TRPV3: variants seen among roughly 807,000 people sequenced by gnomAD.
TRPV3 encodes transient receptor potential cation channel subfamily V member 3.
TRPV3 carries 88 observed loss-of-function variants against 87.1 expected under a neutral mutation model. That is an observed-to-expected ratio of 1.01 (90% CI 0.85 to 1.21). The LOEUF (loss-of-function observed/expected upper bound fraction) is 1.21, where lower values mean the gene tolerates loss of function less well. Among genes scored for constraint, TRPV3 ranks in the 50% most tolerant of loss-of-function variants. The pLI is 0.00. For synonymous variants in TRPV3, 438 were observed against 423.3 expected, an observed-to-expected ratio of 1.03 and a Z score of -0.43; for missense variants, 1,054 against 1,030.1, an observed-to-expected ratio of 1.02 and a Z score of -0.32.
chr17:3,527,041 C>T (rs1258045022), intron 11 of TRPV3, 114 bp from the exon 12 acceptor site: 1 of 809,118 alleles, frequency 1.2e-6, no homozygotes, highest in African/African-American at 1.7e-5. Context: ...TGCACAAAGG[C>T]CCAGCTAGAG....
intron 6 of TRPV3, among the ~76,000 whole-genome samples, chr17:3,542,306 A>G (rs1235324136): frequency 1.3e-5 from 2 of 152,258 alleles, no homozygotes; most frequent in Non-Finnish European, 2.9e-5. Flanking sequence ...TGCCCATGCC[A>G]AAAACAATGC....
intron 2 of TRPV3, among the ~76,000 whole-genome samples, chr17:3,545,545 T>G (rs2074515783): frequency 6.6e-6 from 1 of 152,072 alleles, no homozygotes; most frequent in African/African-American, 2.4e-5. Context: ...GAGGTTTATT[T>G]TGCCAAGGTT....
In TRPV3 at chr17:3,511,645, A is replaced by G. The variant is rs4790504; in HGVS notation, c.*2272T>C. 0.9 allele frequency: 137,066 copies of G among 152,232 alleles called. 62,611 individuals carry two copies. The highest frequency in any genetic ancestry group is 0.98 in the Non-Finnish European group (66,738 of 68,042). 9.4% of individuals were successfully genotyped at this position (152,232 alleles called of 1,614,324 possible). On this transcript the variant is annotated 3_prime_UTR_variant, in exon 18 of 18. Coordinates refer to ENST00000576742, the MANE Select transcript of TRPV3 (RefSeq NM_145068.4). ...GAAAATGGTCTTGCCAACAAATTCC[A>G]TCCAGACCCACAGACAGCAGATCAC...
chr17:3,541,405 C>T (rs1433482596), intron 6 of TRPV3, among the ~76,000 whole-genome samples: 1 of 152,032 alleles, frequency 6.6e-6, no homozygotes, highest in African/African-American at 2.4e-5. Flanking sequence ...ATCTAGTGCC[C>T]CCAGCATATC....
At chr17:3,520,913 T>C (rs1359891423) in intron 14 of TRPV3, 60 bp downstream of exon 14, 4 of 1,227,840 alleles carry the variant, frequency 3.3e-6, no homozygotes, top group Non-Finnish European at 3.5e-6. Flanking sequence ...CTTTGCCATT[T>C]TGACATCTGT....
Position 3,543,499 on chromosome 17 carries a change from C to T in TRPV3, c.441G>A (p.Arg147=). The T allele has an allele frequency of 1.2e-6, 2 of 1,613,752 alleles. No homozygotes were observed. The highest frequency in any genetic ancestry group is 1.3e-5 in the African/African-American group (1 of 75,054). ...CAGGCACATCCTCATCATGGCGCCG[C>T]CTGCAAAGCTCCTGCAGCTCCACCA... ...ELLVELQELC[R]RRHDEDVPDF... is the part of the protein sequence containing the mutation. Residue 147 remains arginine (R), a synonymous_variant, in exon 5 of 18, where the codon AGG becomes AGA. Transcript: ENST00000576742.
intron 7 of TRPV3, among the ~76,000 whole-genome samples, chr17:3,533,782 T>A (rs1008866907): frequency 7.2e-5 from 11 of 152,124 alleles, no homozygotes; most frequent in Non-Finnish European, 1.2e-4. Flanking sequence ...CAGATGTGAG[T>A]CACTGCACTC....
At chr17:3,514,566 C>T (rs1244725948) in intron 17 of TRPV3, 27 bp downstream of exon 17, 1 of 1,555,406 alleles carries the variant, frequency 6.4e-7, no homozygotes, top group East Asian at 2.2e-5. Context: ...CAGGAGCGGA[C>T]ACCATGTCAC....
rs892113951 is a variant in TRPV3 at position 3,556,451 on chromosome 17, G to A, written c.-3+1225C>T. On this transcript the variant is annotated intron_variant, in intron 1 of 17. Coordinates refer to ENST00000576742, the MANE Select transcript of TRPV3 (RefSeq NM_145068.4). The surrounding 1 kb of genome is among the most constrained non-coding windows in gnomAD (Gnocchi z 4.2). ...ACAGGTGGTGACTGTGTGGTCAGGG[G>A]GTGCCACTCTCAGCTTGAATCATCC... Among the ~76,000 whole-genome samples, 1 of 152,122 alleles carries A rather than the reference G, an allele frequency of 6.6e-6. No individual in the cohort carries two copies. The highest frequency in any genetic ancestry group is 2.4e-5 in the African/African-American group (1 of 41,504).
At position 3,543,460 on chromosome 17, in the gene TRPV3, G is replaced by T. The variant is rs765489894; in HGVS notation, c.466+14C>A. The T allele has an allele frequency of 2.5e-6, 4 of 1,611,696 alleles. No individual in the cohort carries two copies. The highest frequency in any genetic ancestry group is 1.1e-5 in the South Asian group (1 of 91,072). ...CCCCCAGCCCTGCACCCTCTGCCAGGCTCAGACACTCACCAGGCACATCCT... is the reference window on the plus strand; with the variant it reads ...CCCCCAGCCCTGCACCCTCTGCCAGTCTCAGACACTCACCAGGCACATCCT... On this transcript the variant is annotated intron_variant, in intron 5 of 17. Transcript: ENST00000576742.
chr17:3,536,083 G>A (rs1161656599), intron 6 of TRPV3, among the ~76,000 whole-genome samples: 2 of 152,200 alleles, frequency 1.3e-5, no homozygotes, highest in African/African-American at 4.8e-5. Flanking sequence ...GAGAGCGTCA[G>A]GGGGCTTCCC....
chr17:3,522,583 G>A (rs926715063), intron 13 of TRPV3, among the ~76,000 whole-genome samples: 8 of 150,250 alleles, frequency 5.3e-5, no homozygotes, highest in Admixed American at 5.3e-4. Flanking sequence ...ACTTTGGGAG[G>A]CCGAGGCGGA....
intron 14 of TRPV3, among the ~76,000 whole-genome samples, chr17:3,519,578 T>A (rs369297007): frequency 0.09 from 6,704 of 74,600 alleles, 360 homozygotes; most frequent in African/African-American, 0.14. Flanking sequence ...GGATGGATGA[T>A]TAAATGGATG....
chr17:3,515,111 G>T (rs2074165974), intron 16 of TRPV3, among the ~76,000 whole-genome samples: 1 of 152,216 alleles, frequency 6.6e-6, no homozygotes, highest in South Asian at 2.1e-4. Context: ...CCCAACAAGA[G>T]TGGGTGGCGT....
Position 3,557,220 on chromosome 17 carries a change from G to T in TRPV3, c.-3+456C>A, listed in dbSNP as rs552573186. 8.5e-5 allele frequency among the ~76,000 whole-genome samples: 13 copies of T among 152,228 alleles called. 1 individual carries two copies. The South Asian group carries it at 2.7e-3, about 32-fold the overall frequency. On this transcript the variant is annotated intron_variant, in intron 1 of 17. Coordinates refer to ENST00000576742, the MANE Select transcript of TRPV3 (RefSeq NM_145068.4). This position sits in a 1 kb window ranked among gnomAD's most constrained non-coding sequence, Gnocchi z 4.5. ...TGGCCTTTCCCGGGCGACAGACCAG[G>T]CCGCGGAGCCACAGCTGCTGACTCA...
intron 11 of TRPV3, 115 bp downstream of exon 11, chr17:3,527,910 G>C (rs368322175): frequency 1.2e-6 from 1 of 801,778 alleles, no homozygotes. Flanking sequence ...GGTAAGGCTT[G>C]GGAAGGAAAC....
intron 6 of TRPV3, among the ~76,000 whole-genome samples, chr17:3,541,682 T>C (rs1191806955): frequency 6.6e-6 from 1 of 152,196 alleles, no homozygotes; most frequent in Non-Finnish European, 1.5e-5. Flanking sequence ...CGACTTTTGG[T>C]GGCCCCTGCC....
rs2074512830 is a variant in TRPV3, at chr17:3,545,229, G to A, written c.162C>T (p.Pro54=). The A allele has an allele frequency of 1.2e-6, 2 of 1,613,894 alleles. No homozygotes were observed. Among genetic ancestry groups the A allele is most frequent in the Admixed American group, 1.7e-5 (1 of 59,986 alleles). ...FLEIEGFEPN[P]TVAKTSPPVF... is the part of the protein sequence containing the mutation. ...CAGGAGGAGAGGTCTTGGCAACTGT[G>A]GGGTTGGGTTCAAACCCTTCTATCT... Residue 54 remains proline, a synonymous_variant, in exon 3 of 18, where the codon CCC becomes CCT. Transcript: ENST00000576742.
chr17:3,522,600 A>G lies in TRPV3; in HGVS notation c.1744-1561T>C, dbSNP rs568457372. Among the ~76,000 whole-genome samples, 10 of 145,480 alleles carry G rather than the reference A, an allele frequency of 6.9e-5. No individual in the cohort carries two copies. In the South Asian group the frequency reaches 2.3e-3, roughly 33 times the overall value. ...TTTGGGAGGCCGAGGCGGACGGATC[A>G]CCTGAGGTCAAGAGTTGGAGACCAG... is the stretch of plus-strand genomic sequence containing the variant. On this transcript the variant is annotated intron_variant, in intron 13 of 17. Coordinates refer to ENST00000576742, the MANE Select transcript of TRPV3 (RefSeq NM_145068.4).
Sources: allele counts gnomAD v4.1 joint callset (sites outside exome capture counted in the v4.1 genomes callset), GRCh38; gene constraint gnomAD v4.1.1; non-coding constraint Gnocchi (gnomAD v3.1); transcripts MANE v1.5; gene names NCBI Gene and HGNC (gene_info 2026-07-23, HGNC 2026-07-21).